The following TG variants were observed in gnomAD, a reference collection of about 807,000 sequenced individuals.
TG encodes thyroid hormones.
Under a neutral mutation model 324.7 loss-of-function variants are expected in TG, and 270 were observed. That is an observed-to-expected ratio of 0.83 (90% CI 0.75 to 0.92). The LOEUF is 0.92. TG is among the 40% of genes least tolerant of loss of function. The pLI is 0.00. For missense variants in TG, 3,591 were observed against 3,456.4 expected, an observed-to-expected ratio of 1.04 and a Z score of -0.98; for synonymous variants, 1,401 against 1,327.0, an observed-to-expected ratio of 1.06 and a Z score of -1.21.
At chr8:133,066,519 G>A (rs1843065002) in intron 41 of TG, among the ~76,000 whole-genome samples, 1 of 152,086 alleles carries the variant, frequency 6.6e-6, no homozygotes, top group Non-Finnish European at 1.5e-5. Context: ...GATTTTATAT[G>A]TGAATTTATA....
At chr8:132,959,694 A>C (rs1347967259) in intron 27 of TG, among the ~76,000 whole-genome samples, 1 of 152,134 alleles carries the variant, frequency 6.6e-6, no homozygotes, top group Non-Finnish European at 1.5e-5. Context: ...AGCCAAATAG[A>C]TGGGGTTTGA....
intron 43 of TG, among the ~76,000 whole-genome samples, chr8:133,112,220 G>A (rs972290425): frequency 6.6e-6 from 1 of 152,268 alleles, no homozygotes; most frequent in African/African-American, 2.4e-5. Flanking sequence ...TCACATTGAT[G>A]GAATTCTAAT....
chr8:133,096,365 G>T lies in TG; in HGVS notation c.7564G>T (p.Ala2522Ser), dbSNP rs747745496. 2 of 1,614,146 alleles carry T rather than the reference G, an allele frequency of 1.2e-6. No individual in the cohort carries two copies. Among genetic ancestry groups the T allele is most frequent in the South Asian group, 2.2e-5 (2 of 91,076 alleles). The change falls in exon 43 of 48, where the codon GCT (alanine) becomes TCT (serine). Residue 2522 changes from alanine (A) to serine (S), a missense_variant. By Grantham distance (99) the Ala-to-Ser change is moderately conservative. Coordinates refer to ENST00000220616, the MANE Select transcript of TG (RefSeq NM_003235.5). The stretch of plus-strand genomic sequence containing the variant: ...CGACGGGCTCATCAACAGAGCAAAG[G>T]CTGTGAAGGTAAGCAGGGAGGGGGC... ...QDDGLINRAK[A>S]VKQFEESRGR... is the part of the protein sequence containing the mutation.
intron 34 of TG, among the ~76,000 whole-genome samples, chr8:132,981,998 C>A (rs763529142): frequency 1.3e-5 from 2 of 152,126 alleles, no homozygotes; most frequent in Admixed American, 6.5e-5. Context: ...TGACCCATGG[C>A]TTTTCATGGA....
chr8:133,102,626 T>G, intron 43 of TG: 1 of 1,492,206 alleles, frequency 6.7e-7, no homozygotes, highest in Non-Finnish European at 9.1e-7. Flanking sequence ...GTAGCAGCTT[T>G]CTATTGAAAT....
At chr8:133,089,733 T>C (rs1040148124) in intron 41 of TG, among the ~76,000 whole-genome samples, 38 of 152,194 alleles carry the variant, frequency 2.5e-4, no homozygotes, top group African/African-American at 8.9e-4. Flanking sequence ...CCAGGCCCTG[T>C]CCTGGGGCTG....
At chr8:132,914,173 T>G (rs1158675367) in intron 20 of TG, among the ~76,000 whole-genome samples, 1 of 152,208 alleles carries the variant, frequency 6.6e-6, no homozygotes, top group Non-Finnish European at 1.5e-5. Flanking sequence ...ACAGGTAATT[T>G]CCCTTTGCCA....
chr8:132,976,049 AG>A (rs1227602403), intron 34 of TG, among the ~76,000 whole-genome samples: 2 of 152,206 alleles, frequency 1.3e-5, no homozygotes, highest in African/African-American at 2.4e-5. Context: ...CAGTGTAGTG[AG>A]GAAAATATGA....
intron 43 of TG, among the ~76,000 whole-genome samples, chr8:133,100,079 C>T (rs1284658067): frequency 6.6e-6 from 1 of 152,236 alleles, no homozygotes; most frequent in African/African-American, 2.4e-5. Context: ...CCTCTGTTAG[C>T]TCTCTGACCT....
intron 34 of TG, among the ~76,000 whole-genome samples, chr8:132,973,272 C>G (rs1182238153): frequency 3.9e-5 from 6 of 152,124 alleles, no homozygotes; most frequent in African/African-American, 9.7e-5. Context: ...GTTTTCTTAC[C>G]TTGACAATCA....
intron 41 of TG, among the ~76,000 whole-genome samples, chr8:133,068,266 G>T (rs1019777685): frequency 2.6e-5 from 4 of 152,164 alleles, no homozygotes; most frequent in Admixed American, 6.5e-5. Context: ...TGTCAACCAG[G>T]CTGCAGACCT....
Position 132,912,782 on chromosome 8 carries a change from C to T in TG, c.4160-265C>T, listed in dbSNP as rs2687826. 0.41 allele frequency among the ~76,000 whole-genome samples: 62,341 copies of T among 152,002 alleles called. 15,587 individuals are homozygous for T. Among genetic ancestry groups the T allele is most frequent in the Admixed American group, 0.54 (8,178 of 15,280 alleles). Reference sequence around the variant, plus strand: ...CTGAAGACCCGATATCCTATGTTAACATGGGTTGCATTGGTGCCACAGAAA... The same window carrying T: ...CTGAAGACCCGATATCCTATGTTAATATGGGTTGCATTGGTGCCACAGAAA... On this transcript the variant is annotated intron_variant, in intron 19 of 47. Transcript: ENST00000220616.
intron 43 of TG, among the ~76,000 whole-genome samples, chr8:133,108,799 C>G (rs915489386): frequency 6.6e-6 from 1 of 152,202 alleles, no homozygotes; most frequent in Non-Finnish European, 1.5e-5. Context: ...AATCCCTGCC[C>G]CCTTTGCCAT....
At chr8:132,888,817 G>A (rs1815808785) in intron 10 of TG, among the ~76,000 whole-genome samples, 4 of 152,226 alleles carry the variant, frequency 2.6e-5, no homozygotes, top group Admixed American at 2.6e-4. Flanking sequence ...ACTTCAATCA[G>A]TGTCTTAGAT....
At chr8:132,994,647 C>T (rs767226174) in intron 35 of TG, 15 of 1,276,642 alleles carry the variant, frequency 1.2e-5, no homozygotes, top group Non-Finnish European at 1.5e-5. Flanking sequence ...GTTGAGTGTG[C>T]TGAATTCCCT....
At chr8:133,050,080 A>AGGG (rs1840122572) in intron 41 of TG, 2 of 853,174 alleles carry the variant, frequency 2.3e-6, no homozygotes, top group Non-Finnish European at 4.1e-6. Context: ...AACCCAGGAC[A>AGGG]GTTTGGAACA....
intron 5 of TG, among the ~76,000 whole-genome samples, chr8:132,878,485 G>A (rs1329682008): frequency 6.6e-6 from 1 of 151,726 alleles, no homozygotes; most frequent in African/African-American, 2.4e-5. Context: ...GTGTGGTGGT[G>A]GGTGCCTGTG....
Position 132,867,007 on chromosome 8 carries a change from C to G in TG, c.7C>G (p.Leu3Val). The change falls in exon 1 of 48, where the codon CTG becomes GTG. Residue 3 changes from leucine to valine, a missense_variant. Transcript: ENST00000220616. ...CCCAGGAAGGGCCAGGAAAATGGCC[C>G]TGGTCCTGGAGATCTTCACCCTGCT... is the stretch of plus-strand genomic sequence containing the variant. MA[L>V]VLEIFTLLAS... 1 of 1,595,748 alleles carries G rather than the reference C, an allele frequency of 6.3e-7. No homozygotes were observed. The highest frequency in any genetic ancestry group is 2.3e-5 in the East Asian group (1 of 44,198).
chr8:133,120,921 T>A (rs1321340094), intron 45 of TG, among the ~76,000 whole-genome samples: 1 of 152,136 alleles, frequency 6.6e-6, no homozygotes, highest in East Asian at 1.9e-4. Context: ...AGAGGAGCAA[T>A]CCTAACAGAG....
Sources: gnomAD v4.1 joint callset for allele counts (sites outside exome capture counted in the v4.1 genomes callset) on GRCh38, gnomAD v4.1.1 for gene constraint, MANE v1.5 for transcripts, NCBI Gene and HGNC (gene_info 2026-07-23, HGNC 2026-07-21) for gene names.